Variants in MAP6 observed in about 807,000 individuals in gnomAD.
The protein encoded by MAP6 is microtubule-associated protein 6.
MAP6 carries 26 observed loss-of-function variants against 42.4 expected under a neutral mutation model. The ratio of observed to expected loss-of-function variants is 0.61; its 90% CI spans 0.45 to 0.85. The LOEUF is 0.85. Ranked by LOEUF, MAP6 falls within the 40% of genes least tolerant of loss-of-function variation. MAP6 has a pLI of 0.00. For missense variants in MAP6, 966 were observed against 1,099.0 expected, an observed-to-expected ratio of 0.88 and a Z score of 1.71; for synonymous variants, 418 against 443.8, an observed-to-expected ratio of 0.94 and a Z score of 0.73.
At chr11:75,610,852 G>C (rs1942884244) in intron 1 of MAP6, among the ~76,000 whole-genome samples, 1 of 152,048 alleles carries the variant, frequency 6.6e-6, no homozygotes, top group Non-Finnish European at 1.5e-5. Flanking sequence ...CTGGCTGGGG[G>C]GCGGTAGTCC....
chr11:75,638,997 G>A (rs1395809277), intron 1 of MAP6, among the ~76,000 whole-genome samples: 1 of 152,186 alleles, frequency 6.6e-6, no homozygotes, highest in East Asian at 1.9e-4. Context: ...GTCTTTTGCA[G>A]TAACACAGAT....
intron 3 of MAP6, chr11:75,605,134 T>A: frequency 1.0e-6 from 1 of 985,420 alleles, no homozygotes; most frequent in South Asian, 4.7e-5. Flanking sequence ...AGCCCTGATC[T>A]AGTTTTAGTT....
At chr11:75,591,547 G>C (rs1942477160) in intron 3 of MAP6, among the ~76,000 whole-genome samples, 1 of 152,234 alleles carries the variant, frequency 6.6e-6, no homozygotes. Flanking sequence ...CTGGTTCGTG[G>C]CTTGGGGAGC....
At position 75,618,396 on chromosome 11, in the gene MAP6, C is replaced by T. The variant is rs11236467; in HGVS notation, c.906-10074G>A. 1.5e-3 allele frequency among the ~76,000 whole-genome samples: 224 copies of T among 152,038 alleles called. 1 individual carries two copies. In the East Asian group the frequency reaches 0.029, roughly 20 times the overall value. ...CTGAGGTGGGAGGATCACTTGAGAT[C>T]AGGAGTTTGAGACCAGCCTGACCAA... On this transcript the variant is annotated intron_variant, in intron 1 of 3. Transcript: ENST00000304771.
chr11:75,632,552 T>C (rs545265375), intron 1 of MAP6, among the ~76,000 whole-genome samples: 1 of 152,280 alleles, frequency 6.6e-6, no homozygotes, highest in African/African-American at 2.4e-5. Flanking sequence ...ACCACCACTT[T>C]TGTTTTGCGT....
chr11:75,645,871 A>C (rs1943545760), intron 1 of MAP6, among the ~76,000 whole-genome samples: 1 of 152,106 alleles, frequency 6.6e-6, no homozygotes. Flanking sequence ...TAGATAAGAT[A>C]TATGAAAAAT....
In MAP6 at chr11:75,605,549, A is replaced by G. The variant is rs56746045; in HGVS notation, c.1316+259T>C. 2.2e-3 allele frequency: 2,851 copies of G among 1,269,132 alleles called. 64 individuals are homozygous for G. In the African/African-American group the frequency reaches 0.04, roughly 18 times the overall value. The allele number at this position is 1,269,132 out of a possible 1,614,324, so 78.6% of individuals were successfully genotyped here. ...CTCATCAGCATGCAGTCAGAGTGCC[A>G]GGGGAGGGCACAGCCAGCGGCAACG... On this transcript the variant is annotated intron_variant, in intron 3 of 3. Coordinates refer to ENST00000304771, the MANE Select transcript of MAP6 (RefSeq NM_033063.2).
chr11:75,633,925 C>T (rs1366615047), intron 1 of MAP6, among the ~76,000 whole-genome samples: 1 of 152,158 alleles, frequency 6.6e-6, no homozygotes, highest in Non-Finnish European at 1.5e-5. Context: ...TTGAGCAGAC[C>T]TGATGTAGCT....
Position 75,604,531 on chromosome 11 carries a change from A to G in MAP6, c.1316+1277T>C, listed in dbSNP as rs1409876648. Reference sequence around the variant, plus strand: ...GGAGATACAGAGTGTGCTGAGCAATATACACGTCATATTGGCAAATATTAT... The same window carrying G: ...GGAGATACAGAGTGTGCTGAGCAATGTACACGTCATATTGGCAAATATTAT... On this transcript the variant is annotated intron_variant, in intron 3 of 3. Coordinates refer to ENST00000304771, the MANE Select transcript of MAP6 (RefSeq NM_033063.2). 6 of 985,286 alleles carry G rather than the reference A, an allele frequency of 6.1e-6. No homozygotes were observed. In the African/African-American group the frequency reaches 1.0e-4, roughly 17 times the overall value. 61.0% of individuals were successfully genotyped at this position (985,286 alleles called of 1,614,324 possible). A position where few individuals can be genotyped will look rare whatever the true frequency, so the allele number is the denominator to read the frequency against.
At chr11:75,647,689 G>A (rs1943585519) in intron 1 of MAP6, among the ~76,000 whole-genome samples, 1 of 152,148 alleles carries the variant, frequency 6.6e-6, no homozygotes, top group Non-Finnish European at 1.5e-5. Context: ...ATGACATCTT[G>A]TTTATGCATA....
intron 1 of MAP6, among the ~76,000 whole-genome samples, chr11:75,666,203 C>T (rs1430919551): frequency 6.6e-6 from 1 of 152,100 alleles, no homozygotes; most frequent in African/African-American, 2.4e-5. Context: ...AGATCTTCCC[C>T]GAGAGACCCC....
At chr11:75,588,550 AG>A (rs542912829) in intron 3 of MAP6, among the ~76,000 whole-genome samples, 1 of 152,078 alleles carries the variant, frequency 6.6e-6, no homozygotes, top group Non-Finnish European at 1.5e-5. Flanking sequence ...TTTTTCTTCT[AG>A]GATCGTTGGG....
In MAP6 at chr11:75,656,116, A is replaced by G. The variant is rs143514406; in HGVS notation, c.905+11349T>C. On this transcript the variant is annotated intron_variant, in intron 1 of 3. Transcript: ENST00000304771. Reference sequence around the variant, plus strand: ...TAATTATTATGGTTTAATACGGAACAATCCTTAAGGGCTAGGAGGCTTGCA... The same window carrying G: ...TAATTATTATGGTTTAATACGGAACGATCCTTAAGGGCTAGGAGGCTTGCA... Among the ~76,000 whole-genome samples the G allele has an allele frequency of 1.7e-3, 261 of 152,332 alleles. 1 individual carries two copies. The highest frequency in any genetic ancestry group is 3.1e-3 in the Admixed American group (48 of 15,304).
intron 1 of MAP6, among the ~76,000 whole-genome samples, chr11:75,624,582 C>G (rs1288074755): frequency 6.6e-6 from 1 of 152,190 alleles, no homozygotes; most frequent in Non-Finnish European, 1.5e-5. Flanking sequence ...ATGCCTGAAG[C>G]ATGTTCATTA....
chr11:75,667,783 C>A lies in MAP6; in HGVS notation c.587G>T (p.Arg196Leu). 7.7e-7 allele frequency: 1 copy of A among 1,306,894 alleles called. No homozygotes were observed. Among genetic ancestry groups the A allele is most frequent in the South Asian group, 2.2e-5 (1 of 46,094 alleles). The allele number at this position is 1,306,894 out of a possible 1,614,324, so 81.0% of individuals were successfully genotyped here. A position where few individuals can be genotyped will look rare whatever the true frequency, so the allele number is the denominator to read the frequency against. The stretch of plus-strand genomic sequence containing the variant: ...CCAGCGCTCCTGGCTCTGCGGCCGG[C>A]GCTTGGGCGCCCCGAGAATGGGCGC... The part of the protein sequence containing the change: ...ASAPILGAPK[R>L]RPQSQERWPV... The change falls in exon 1 of 4, where the codon CGC (arginine) becomes CTC (leucine). Residue 196 changes from arginine (R) to leucine (L), a missense_variant. Physicochemically the swap from Arg to Leu is moderately radical, Grantham distance 102 (BLOSUM62 -2). Coordinates refer to ENST00000304771, the MANE Select transcript of MAP6 (RefSeq NM_033063.2). The surrounding 1 kb of genome is among the most constrained non-coding windows in gnomAD (Gnocchi z 5.6).
In MAP6 at chr11:75,587,502, C is replaced by G; in HGVS notation, c.1999G>C (p.Glu667Gln). ...ACTAAACCTTGATTCTTTACAGGCT[C>G]AGAGACCATGGAACCTTGATTCTTT... ...PIKNQGSMVSEPVKNQGLVVS... is the reference protein window; with the variant it reads ...PIKNQGSMVSQPVKNQGLVVS... The change falls in exon 4 of 4, where the codon GAG becomes CAG. Residue 667 changes from glutamate to glutamine, a missense_variant. Coordinates refer to ENST00000304771, the MANE Select transcript of MAP6 (RefSeq NM_033063.2). The G allele has an allele frequency of 6.2e-7, 1 of 1,614,192 alleles. No homozygotes were observed.
intron 1 of MAP6, among the ~76,000 whole-genome samples, chr11:75,630,833 A>G (rs1943273586): frequency 6.6e-6 from 1 of 152,246 alleles, no homozygotes; most frequent in African/African-American, 2.4e-5. Context: ...GTTAATAACA[A>G]GGACTTATTA....
chr11:75,628,383 AC>A (rs1943231428), intron 1 of MAP6, among the ~76,000 whole-genome samples: 1 of 152,150 alleles, frequency 6.6e-6, no homozygotes, highest in Admixed American at 6.5e-5. Context: ...CCAGCAAAGC[AC>A]CCGCAAGACA....
chr11:75,665,210 A>AATGTGAAGCATGGC (rs1943927218), intron 1 of MAP6, among the ~76,000 whole-genome samples: 1 of 152,206 alleles, frequency 6.6e-6, no homozygotes, highest in African/African-American at 2.4e-5. Context: ...GTATGTGTGT[A>AATGTGAAGCATGGC]ATGTGAAGCA....
Sources: allele counts gnomAD v4.1 joint callset (sites outside exome capture counted in the v4.1 genomes callset), GRCh38; gene constraint gnomAD v4.1.1; non-coding constraint Gnocchi (gnomAD v3.1); transcripts MANE v1.5; gene names NCBI Gene and HGNC (gene_info 2026-07-23, HGNC 2026-07-21).